Variants in ADGRG7 observed in about 807,000 individuals in gnomAD.
ADGRG7 encodes G-protein coupled receptor 128.
ADGRG7 carries 82 observed loss-of-function variants against 88.6 expected under a neutral mutation model. The observed-to-expected ratio is 0.93, with a 90% confidence interval of 0.77 to 1.11. The LOEUF (loss-of-function observed/expected upper bound fraction) is 1.11. Ranked by LOEUF, ADGRG7 falls within the 50% of genes most tolerant of loss-of-function variation. The pLI is 0.00. For missense variants in ADGRG7, 945 were observed against 953.4 expected (o/e 0.99, Z 0.12); for synonymous variants, 381 against 345.2 (o/e 1.10, Z -1.15).
In ADGRG7 at chr3:100,669,115, G is replaced by A. The variant is rs779075867; in HGVS notation, c.2136+10G>A. The A allele has an allele frequency of 1.1e-5, 16 of 1,522,166 alleles. No homozygotes were observed. The highest frequency in any genetic ancestry group is 4.1e-5 in the South Asian group (3 of 73,732). The allele number at this position is 1,522,166 out of a possible 1,614,324, so 94.3% of individuals were successfully genotyped here. A position where few individuals can be genotyped will look rare whatever the true frequency, so the allele number is the denominator to read the frequency against. ...TTTCAACACTACACAGGTATGGTGC[G>A]GATTAGTCTGAAAGTAGCAGAACAC... On this transcript the variant is annotated intron_variant, in intron 15 of 15. Transcript: ENST00000273352.
intron 15 of ADGRG7, among the ~76,000 whole-genome samples, chr3:100,684,059 C>T (rs1378299246): frequency 6.6e-6 from 1 of 152,098 alleles, no homozygotes; most frequent in Non-Finnish European, 1.5e-5. Context: ...CTCTCAGTCC[C>T]ACTTCATCTT....
Position 100,653,380 on chromosome 3 carries a change from G to T in ADGRG7, c.1380-1455G>T, listed in dbSNP as rs539758083. Among the ~76,000 whole-genome samples the T allele has an allele frequency of 3.5e-3, 528 of 152,252 alleles. 4 individuals carry two copies. Among genetic ancestry groups the T allele is most frequent in the Non-Finnish European group, 5.1e-3 (350 of 67,998 alleles). On this transcript the variant is annotated intron_variant, in intron 11 of 15. Coordinates refer to ENST00000273352, the MANE Select transcript of ADGRG7 (RefSeq NM_032787.3). ...ATTGTATTTGGCCTTATTTTAAAAT[G>T]TATAAGTGACTTTTAAATATAAATT...
At chr3:100,647,911 T>C (rs1181174987) in intron 10 of ADGRG7, among the ~76,000 whole-genome samples, 1 of 152,224 alleles carries the variant, frequency 6.6e-6, no homozygotes, top group Non-Finnish European at 1.5e-5. Flanking sequence ...CTGGTATAGC[T>C]TGCATTATCA....
intron 15 of ADGRG7, among the ~76,000 whole-genome samples, chr3:100,685,473 C>T (rs184789875): frequency 6.6e-6 from 1 of 151,996 alleles, no homozygotes; most frequent in Non-Finnish European, 1.5e-5. Context: ...GTGCTGCACC[C>T]ATTAAGTCGT....
In ADGRG7 at chr3:100,645,970, A is replaced by G. The variant is rs1211596825; in HGVS notation, c.972A>G (p.Val324=). ...ATTACACCAAGACATGCGGCTTTGT[A>G]GTTTATCAAAATGACAAGCTTTTCC... ...TKNYTKTCGF[V]VYQNDKLFQS... The change falls in exon 9 of 16, where the codon GTA becomes GTG. Residue 324 remains valine (V), a synonymous_variant. Transcript: ENST00000273352. The G allele has an allele frequency of 6.2e-7, 1 of 1,613,958 alleles. No homozygotes were observed. Among genetic ancestry groups the G allele is most frequent in the Admixed American group, 1.7e-5 (1 of 59,992 alleles).
In ADGRG7 at chr3:100,646,652, T is replaced by A; in HGVS notation, c.1194T>A (p.Cys398Ter). The A allele has an allele frequency of 6.2e-7, 1 of 1,614,144 alleles. No homozygotes were observed. Residue 398 changes from cysteine (C) to a stop codon, truncating the protein, a stop_gained, in exon 10 of 16, where the codon TGT (cysteine) becomes TGA (stop). Coordinates refer to ENST00000273352, the MANE Select transcript of ADGRG7 (RefSeq NM_032787.3). LOFTEE classifies it high-confidence loss of function. ...LSAKDWDTYGCQKDKGTDGFL... is the reference protein window; with the variant it reads ...LSAKDWDTYG ...CGAAGGACTGGGACACATATGGCTG[T>A]CAAAAAGACAAGGGCACTGATGGAT...
intron 10 of ADGRG7, 127 bp from the exon 11 acceptor site, chr3:100,649,568 C>T: frequency 1.8e-6 from 1 of 567,360 alleles, no homozygotes; most frequent in Admixed American, 3.2e-5. Context: ...ATATCATGAG[C>T]TTTACAAAAG....
intron 6 of ADGRG7, among the ~76,000 whole-genome samples, chr3:100,639,075 A>G (rs1376611447): frequency 6.7e-6 from 1 of 149,906 alleles, no homozygotes; most frequent in African/African-American, 2.5e-5. Flanking sequence ...TGTATATTAC[A>G]TACTATATTG....
chr3:100,659,872 C>T, intron 14 of ADGRG7, 29 bp downstream of exon 14: 1 of 1,607,412 alleles, frequency 6.2e-7, no homozygotes, highest in Non-Finnish European at 8.5e-7. Context: ...GGGAAGCTGC[C>T]AGGCAAGGCT....
chr3:100,615,701 T>C (rs764458244), intron 1 of ADGRG7, among the ~76,000 whole-genome samples: 49 of 152,172 alleles, frequency 3.2e-4, no homozygotes, highest in Middle Eastern at 3.2e-3. Context: ...AAGTTACAAA[T>C]AAAATATGAG....
chr3:100,665,012 G>A (rs2094950026), intron 14 of ADGRG7: 1 of 442,700 alleles, frequency 2.3e-6, no homozygotes. Flanking sequence ...AGTATGGTAG[G>A]GCAATACATA....
At chr3:100,661,968 G>A (rs1353943763) in intron 14 of ADGRG7, among the ~76,000 whole-genome samples, 1 of 152,072 alleles carries the variant, frequency 6.6e-6, no homozygotes, top group Non-Finnish European at 1.5e-5. Context: ...GAACAAATAA[G>A]GAAAGCAACC....
At chr3:100,685,980 C>G (rs1191969169) in intron 15 of ADGRG7, among the ~76,000 whole-genome samples, 10 of 150,780 alleles carry the variant, frequency 6.6e-5, no homozygotes, top group Admixed American at 1.3e-4. Context: ...AACTAGTTTA[C>G]AGTCCCACCA....
chr3:100,634,511 G>A (rs1017002996), intron 4 of ADGRG7, among the ~76,000 whole-genome samples: 4 of 152,098 alleles, frequency 2.6e-5, no homozygotes, highest in Admixed American at 6.6e-5. Flanking sequence ...GAAGCATTTT[G>A]CCTAGTGATC....
intron 3 of ADGRG7, among the ~76,000 whole-genome samples, chr3:100,632,434 T>C (rs538057754): frequency 1.8e-4 from 28 of 152,272 alleles, no homozygotes; most frequent in African/African-American, 6.3e-4. Context: ...ATCAAAATAC[T>C]TTTCAATGAT....
At chr3:100,691,614 A>G (rs2094993926) in intron 15 of ADGRG7, among the ~76,000 whole-genome samples, 1 of 151,220 alleles carries the variant, frequency 6.6e-6, no homozygotes, top group Non-Finnish European at 1.5e-5. Context: ...TGTACACTTT[A>G]CTCAACTGTT....
rs544801263 is a variant in ADGRG7, at chr3:100,625,020, C to T, written c.116-4578C>T. On this transcript the variant is annotated intron_variant, in intron 1 of 15. Coordinates refer to ENST00000273352, the MANE Select transcript of ADGRG7 (RefSeq NM_032787.3). ...CTTAGGATTGTCTTGGCTATACAGA[C>T]TCTTTTTTGGTTCCATATAAAATTT... Among the ~76,000 whole-genome samples the T allele has an allele frequency of 2.6e-5, 4 of 152,288 alleles. No homozygotes were observed. The East Asian group carries it at 5.8e-4, about 22-fold the overall frequency.
chr3:100,625,648 G>A (rs989990991), intron 1 of ADGRG7, among the ~76,000 whole-genome samples: 2 of 152,142 alleles, frequency 1.3e-5, no homozygotes, highest in Admixed American at 1.3e-4. Flanking sequence ...CATTCAGTAC[G>A]ATATTGGCTG....
chr3:100,655,417 G>T (rs1018283181), intron 12 of ADGRG7, among the ~76,000 whole-genome samples: 26 of 152,052 alleles, frequency 1.7e-4, no homozygotes, highest in African/African-American at 6.0e-4. Context: ...ACTTAAAAAT[G>T]TTAATTTCCT....
Sources: gnomAD v4.1 joint callset for allele counts (sites outside exome capture counted in the v4.1 genomes callset) on GRCh38, gnomAD v4.1.1 for gene constraint, MANE v1.5 for transcripts, NCBI Gene and HGNC (gene_info 2026-07-23, HGNC 2026-07-21) for gene names.